The following AUTS2 variants were observed in gnomAD, a reference collection of about 807,000 sequenced individuals.
AUTS2 encodes activator of transcription and developmental regulator AUTS2.
In AUTS2, 17 loss-of-function variants were observed where a neutral mutation model predicts 112.4. That is an observed-to-expected ratio of 0.15 (90% CI 0.10 to 0.23). The LOEUF (loss-of-function observed/expected upper bound fraction) is 0.23, where lower values mean the gene tolerates loss of function less well. Ranked by LOEUF, AUTS2 falls within the 10% of genes least tolerant of loss-of-function variation. The pLI is 1.00. For synonymous variants in AUTS2, 751 were observed against 702.7 expected, an observed-to-expected ratio of 1.07 and a Z score of -1.09; for missense variants, 1,510 against 1,701.6, an observed-to-expected ratio of 0.89 and a Z score of 1.98.
intron 2 of AUTS2, among the ~76,000 whole-genome samples, chr7:70,106,975 T>C (rs1163986975): frequency 6.6e-6 from 1 of 152,138 alleles, no homozygotes; most frequent in Non-Finnish European, 1.5e-5. Flanking sequence ...TTATCCAAAT[T>C]ACATAAAAGT....
intron 11 of AUTS2, among the ~76,000 whole-genome samples, chr7:70,773,496 C>A (rs1291916691): frequency 6.6e-6 from 1 of 152,226 alleles, no homozygotes; most frequent in African/African-American, 2.4e-5. Flanking sequence ...AAATTAGGTT[C>A]TCTTGTCCCA....
At chr7:70,309,143 A>G (rs1789621290) in intron 4 of AUTS2, among the ~76,000 whole-genome samples, 1 of 152,240 alleles carries the variant, frequency 6.6e-6, no homozygotes. Context: ...GGTCAGAACC[A>G]TCAGTTAAGA....
chr7:69,772,926 G>C (rs1404867295), intron 1 of AUTS2, among the ~76,000 whole-genome samples: 1 of 152,116 alleles, frequency 6.6e-6, no homozygotes. Flanking sequence ...ATTTATTACT[G>C]TAGGATAATG....
intron 1 of AUTS2, among the ~76,000 whole-genome samples, chr7:69,696,344 C>T (rs1797562594): frequency 6.6e-6 from 1 of 152,158 alleles, no homozygotes; most frequent in South Asian, 2.1e-4. Flanking sequence ...TAATGCTGGC[C>T]AAGGGTGTCT....
intron 4 of AUTS2, among the ~76,000 whole-genome samples, chr7:70,256,929 T>C (rs1310165677): frequency 2.6e-5 from 4 of 152,194 alleles, no homozygotes; most frequent in Non-Finnish European, 5.9e-5. Context: ...CCCTGAACTT[T>C]TTATTTTGTT....
At chr7:69,712,708 A>C (rs1306735457) in intron 1 of AUTS2, among the ~76,000 whole-genome samples, 1 of 152,168 alleles carries the variant, frequency 6.6e-6, no homozygotes, top group African/African-American at 2.4e-5. Flanking sequence ...TCGTATGGGT[A>C]TCTACTTTTG....
intron 1 of AUTS2, among the ~76,000 whole-genome samples, chr7:69,862,193 C>T (rs966919217): frequency 1.3e-5 from 2 of 152,080 alleles, no homozygotes; most frequent in African/African-American, 4.8e-5. Context: ...AACTATATCA[C>T]CTCTAATAGT....
intron 4 of AUTS2, among the ~76,000 whole-genome samples, chr7:70,205,988 T>C (rs1810554865): frequency 6.6e-6 from 1 of 152,210 alleles, no homozygotes; most frequent in African/African-American, 2.4e-5. Context: ...GTCAGAATTA[T>C]AGAGGATTAG....
At chr7:69,644,499 TA>T (rs201217373) in intron 1 of AUTS2, among the ~76,000 whole-genome samples, 401 of 139,402 alleles carry the variant, frequency 2.9e-3, no homozygotes, top group East Asian at 0.012. Flanking sequence ...CATCTTGTCT[TA>T]AAAAAAAAAA....
chr7:69,877,997 G>T (rs1347195311), intron 1 of AUTS2, among the ~76,000 whole-genome samples: 1 of 152,118 alleles, frequency 6.6e-6, no homozygotes, highest in Non-Finnish European at 1.5e-5. Context: ...GGAGCCACAA[G>T]GTAGAAGTGG....
chr7:70,169,955 C>A (rs1007229804), intron 4 of AUTS2, among the ~76,000 whole-genome samples: 1 of 152,030 alleles, frequency 6.6e-6, no homozygotes, highest in Non-Finnish European at 1.5e-5. Context: ...AACATTGCAT[C>A]ATTCCCTAAA....
At chr7:69,925,224 T>C (rs1459806074) in intron 2 of AUTS2, among the ~76,000 whole-genome samples, 1 of 152,172 alleles carries the variant, frequency 6.6e-6, no homozygotes, top group African/African-American at 2.4e-5. Context: ...AGAACAAGCT[T>C]TATTTTCATT....
At chr7:70,541,423 C>T (rs1278335004) in intron 5 of AUTS2, among the ~76,000 whole-genome samples, 1 of 152,346 alleles carries the variant, frequency 6.6e-6, no homozygotes, top group East Asian at 1.9e-4. Context: ...CTCACCTTAT[C>T]TGCTCCACGT....
intron 5 of AUTS2, among the ~76,000 whole-genome samples, chr7:70,679,557 CAT>C (rs1808098802): frequency 6.6e-6 from 1 of 150,710 alleles, no homozygotes; most frequent in South Asian, 2.1e-4. Context: ...ATTGAGGCCA[CAT>C]GTGTCTATGC....
intron 4 of AUTS2, among the ~76,000 whole-genome samples, chr7:70,413,429 A>G (rs1794858252): frequency 6.6e-6 from 1 of 152,164 alleles, no homozygotes; most frequent in Admixed American, 6.5e-5. Flanking sequence ...AGTCCTGGGG[A>G]GTCAGAAGCT....
intron 2 of AUTS2, among the ~76,000 whole-genome samples, chr7:70,099,400 C>A (rs948292371): frequency 6.6e-6 from 1 of 151,976 alleles, no homozygotes; most frequent in African/African-American, 2.4e-5. Flanking sequence ...TAGGGCTGTT[C>A]TCTACGTGTT....
At chr7:69,712,456 C>A (rs1327554308) in intron 1 of AUTS2, among the ~76,000 whole-genome samples, 1 of 151,998 alleles carries the variant, frequency 6.6e-6, no homozygotes, top group Admixed American at 6.6e-5. Flanking sequence ...CCAACAATTA[C>A]GTGTAAATGA....
intron 1 of AUTS2, among the ~76,000 whole-genome samples, chr7:69,743,748 T>G (rs1787366342): frequency 6.6e-6 from 1 of 152,190 alleles, no homozygotes; most frequent in African/African-American, 2.4e-5. Context: ...CTCTCTTATG[T>G]CTGGCCTATT....
intron 1 of AUTS2, among the ~76,000 whole-genome samples, chr7:69,705,259 G>A (rs376731302): frequency 1.3e-5 from 2 of 152,272 alleles, no homozygotes; most frequent in East Asian, 1.9e-4. Flanking sequence ...CAATGTGCGT[G>A]CATAGGTCAT....
Sources: allele counts gnomAD v4.1 joint callset (sites outside exome capture counted in the v4.1 genomes callset), GRCh38; gene constraint gnomAD v4.1.1; transcripts MANE v1.5; gene names NCBI Gene and HGNC (gene_info 2026-07-23, HGNC 2026-07-21).